TSC22D3: variants seen among roughly 807,000 people sequenced by gnomAD.
TSC22D3 encodes the protein TSC22 domain family member 3.
In TSC22D3, 4 loss-of-function variants were observed where a neutral mutation model predicts 11.1. The ratio of observed to expected loss-of-function variants is 0.36; its 90% CI spans 0.18 to 0.83. The LOEUF is 0.83. Ranked by LOEUF, TSC22D3 falls within the 40% of genes least tolerant of loss-of-function variation. The pLI, the probability that TSC22D3 is intolerant of heterozygous loss-of-function variation, is 0.48. For missense variants in TSC22D3, 118 were observed against 159.4 expected (o/e 0.74, Z 1.40); for synonymous variants, 77 against 70.3 (o/e 1.10, Z -0.48).
chrX:107,769,859 T>C (rs1016379834), intron 1 of TSC22D3, among the ~76,000 whole-genome samples: 1 of 111,554 alleles, frequency 9.0e-6, no homozygotes, highest in African/African-American at 3.3e-5. Flanking sequence ...AAACACAGTT[T>C]CTTACCAGTC....
chrX:107,744,050 G>A (rs371372603), intron 1 of TSC22D3, among the ~76,000 whole-genome samples: 8 of 112,304 alleles, frequency 7.1e-5, no homozygotes, highest in East Asian at 5.6e-4. Flanking sequence ...AGCCTACTCC[G>A]TGGCCAGACT....
chrX:107,727,007 A>G (rs970621053), intron 1 of TSC22D3, among the ~76,000 whole-genome samples: 7 of 111,899 alleles, frequency 6.3e-5, no homozygotes, highest in Non-Finnish European at 1.3e-4. Flanking sequence ...AAGTATAGAC[A>G]GTTACTAGCT....
chrX:107,746,945 A>G (rs774779572), intron 1 of TSC22D3, among the ~76,000 whole-genome samples: 23 of 112,650 alleles, frequency 2.0e-4, no homozygotes, highest in Non-Finnish European at 5.6e-5. Context: ...GAAATCCCTC[A>G]CAGAGTTCAC....
chrX:107,753,468 G>A (rs1011463853), intron 1 of TSC22D3, among the ~76,000 whole-genome samples: 3 of 111,120 alleles, frequency 2.7e-5, no homozygotes, highest in Non-Finnish European at 5.7e-5. Flanking sequence ...GATGAATTGC[G>A]CCACCACTTT....
chrX:107,736,553 G>A (rs977218717), intron 1 of TSC22D3, among the ~76,000 whole-genome samples: 2 of 111,770 alleles, frequency 1.8e-5, no homozygotes, highest in Admixed American at 1.9e-4. Context: ...CTTAACAGAC[G>A]AGAAAACTGA....
In TSC22D3 at chrX:107,748,648, A is replaced by G. The variant is rs58116344; in HGVS notation, c.320+26452T>C. Among the ~76,000 whole-genome samples the G allele has an allele frequency of 7.5e-3, 834 of 111,373 alleles. 6 individuals carry two copies. The highest frequency in any genetic ancestry group is 0.026 in the African/African-American group (799 of 30,581). Reference sequence around the variant, plus strand: ...TTAACCAGCCCATCAGCTCACACCGACTAGTTCTCTTAGCAAACTCTTCAG... The same window carrying G: ...TTAACCAGCCCATCAGCTCACACCGGCTAGTTCTCTTAGCAAACTCTTCAG... On this transcript the variant is annotated intron_variant, in intron 1 of 2. Coordinates refer to ENST00000372383, the MANE Select transcript of TSC22D3 (RefSeq NM_198057.3).
chrX:107,754,712 T>C (rs1168980693), intron 1 of TSC22D3, among the ~76,000 whole-genome samples: 3 of 112,273 alleles, frequency 2.7e-5, no homozygotes, highest in Non-Finnish European at 5.6e-5. Context: ...TCCATGGTCA[T>C]TGGCCACTAA....
intron 1 of TSC22D3, chrX:107,722,308 G>A (rs1927374525): frequency 8.1e-6 from 1 of 122,877 alleles, no homozygotes; most frequent in African/African-American, 3.2e-5. Flanking sequence ...ATGATGGCAG[G>A]AGCAATGAAT....
In TSC22D3 at chrX:107,749,178, TACACACACACACAC is replaced by T. The variant is rs61681572; in HGVS notation, c.320+25908_320+25921del. 1.3e-3 allele frequency among the ~76,000 whole-genome samples: 113 copies of T among 87,345 alleles called. 1 individual carries two copies. The highest frequency in any genetic ancestry group is 7.4e-3 in the South Asian group (11 of 1,483). The allele number at this position is 87,345 out of a possible 115,157, so 75.8% of individuals were successfully genotyped here. On this transcript the variant is annotated intron_variant, in intron 1 of 2. Coordinates refer to ENST00000372383, the MANE Select transcript of TSC22D3 (RefSeq NM_198057.3). ...GGTGAAACCCTGTCTCTACTAAAAA[TACACACACACACAC>T]ACACACACACACACACACACACACA...
intron 1 of TSC22D3, among the ~76,000 whole-genome samples, chrX:107,769,715 T>TCACACACA (rs748668681): frequency 0.016 from 1,606 of 101,497 alleles, 32 homozygotes; most frequent in African/African-American, 0.057. Context: ...TCTTTCTCTT[T>TCACACACA]CACACACACA....
At chrX:107,751,163 C>G (rs908411710) in intron 1 of TSC22D3, among the ~76,000 whole-genome samples, 1 of 111,978 alleles carries the variant, frequency 8.9e-6, no homozygotes, top group Non-Finnish European at 1.9e-5. Flanking sequence ...CATTTGTGCT[C>G]GAAGGAAACA....
intron 1 of TSC22D3, among the ~76,000 whole-genome samples, chrX:107,767,143 A>G (rs1405706948): frequency 1.8e-5 from 2 of 111,945 alleles, no homozygotes; most frequent in Non-Finnish European, 3.8e-5. Flanking sequence ...TAAGCTGTGA[A>G]CAGCTGCTCT....
At chrX:107,746,214 T>C (rs1042061810) in intron 1 of TSC22D3, among the ~76,000 whole-genome samples, 1 of 111,401 alleles carries the variant, frequency 9.0e-6, no homozygotes, top group African/African-American at 3.3e-5. Context: ...CCTCTCTCTG[T>C]ATCTTATGAA....
At chrX:107,740,427 C>A (rs898370519) in intron 1 of TSC22D3, among the ~76,000 whole-genome samples, 5 of 111,580 alleles carry the variant, frequency 4.5e-5, no homozygotes, top group Admixed American at 1.9e-4. Context: ...ACCAACAATA[C>A]AAAAATTAGC....
chrX:107,773,570 C>T (rs1418982038), intron 1 of TSC22D3, among the ~76,000 whole-genome samples: 3 of 111,392 alleles, frequency 2.7e-5, no homozygotes, highest in Middle Eastern at 9.2e-3. Flanking sequence ...TTTCTGCCCG[C>T]AGCCTGGTTT....
intron 1 of TSC22D3, among the ~76,000 whole-genome samples, chrX:107,742,265 GAGAGAGAGAGAGAGAA>G (rs1432693754): frequency 8.3e-5 from 6 of 72,526 alleles, no homozygotes; most frequent in South Asian, 7.5e-4. Context: ...GTATTTGAGA[GAGAGAGAGAGAGAGAA>G]AGAGAGAGAG....
chrX:107,721,487 T>G (rs1281404401), intron 1 of TSC22D3, among the ~76,000 whole-genome samples: 1 of 111,468 alleles, frequency 9.0e-6, no homozygotes, highest in Non-Finnish European at 1.9e-5. Flanking sequence ...GGGGTGGTGA[T>G]GAGGGGGAAC....
chrX:107,720,729 C>T (rs1237901096), intron 1 of TSC22D3, among the ~76,000 whole-genome samples: 1 of 77,584 alleles, frequency 1.3e-5, no homozygotes, highest in Non-Finnish European at 2.4e-5. Context: ...AAAGATTTTC[C>T]AACAACAAGG....
chrX:107,726,259 C>CTTATT (rs369647588), intron 1 of TSC22D3, among the ~76,000 whole-genome samples: 1,698 of 111,968 alleles, frequency 0.015, 34 homozygotes, highest in African/African-American at 0.052. Flanking sequence ...GTCTTTTGGC[C>CTTATT]TTATTTTATT....
Sources: gnomAD v4.1 joint callset for allele counts (sites outside exome capture counted in the v4.1 genomes callset) on GRCh38, gnomAD v4.1.1 for gene constraint, MANE v1.5 for transcripts, NCBI Gene and HGNC (gene_info 2026-07-23, HGNC 2026-07-21) for gene names.